Variants in XKR5 observed in about 807,000 individuals in gnomAD.
XKR5 encodes XK-related protein 5.
Under a neutral mutation model 40.8 loss-of-function variants are expected in XKR5, and 46 were observed. That is an observed-to-expected ratio of 1.13 (90% confidence interval 0.89 to 1.44). The LOEUF is 1.44. Among genes scored for constraint, XKR5 ranks in the 40% most tolerant of loss-of-function variants. The pLI is 0.00. For synonymous variants in XKR5, 466 were observed against 356.1 expected (o/e 1.31, Z -3.48); for missense variants, 1,169 against 844.7 (o/e 1.38, Z -4.76).
chr8:6,835,445 G>C lies in XKR5; in HGVS notation c.49C>G (p.Gln17Glu), dbSNP rs1481204055. The C allele has an allele frequency of 8.0e-6, 12 of 1,496,028 alleles. No homozygotes were observed. Among genetic ancestry groups the C allele is most frequent in the Middle Eastern group, 2.3e-4 (1 of 4,312 alleles). The allele number at this position is 1,496,028 out of a possible 1,614,324, so 92.7% of individuals were successfully genotyped here. A position where few individuals can be genotyped will look rare whatever the true frequency, so the allele number is the denominator to read the frequency against. ...GGGCTGCCGCACTCACGCGCGCTCT[G>C]CTCGGCCGCCTGCAGCAGGGCCGAG... ...GLSALLQAAE[Q>E]SARLYTVAYY... Residue 17 changes from glutamine to glutamate, a missense_variant, in exon 1 of 7, where the codon CAG becomes GAG. Gln to Glu is a conservative substitution (Grantham distance 29, BLOSUM62 2). Coordinates refer to ENST00000618742, the MANE Select transcript of XKR5 (RefSeq NM_207411.5).
chr8:6,825,370 C>T (rs181306588), intron 2 of XKR5, 21 bp from the exon 3 acceptor site: 498 of 1,503,964 alleles, frequency 3.3e-4, no homozygotes, highest in Non-Finnish European at 2.8e-4. Flanking sequence ...GCAGAGGGCA[C>T]GTGACACGGA....
chr8:6,830,358 C>T (rs1449177177), intron 2 of XKR5, among the ~76,000 whole-genome samples: 1 of 152,198 alleles, frequency 6.6e-6, no homozygotes, highest in Non-Finnish European at 1.5e-5. Flanking sequence ...TCAGTGTTGT[C>T]TTTGAACCCT....
intron 3 of XKR5, 140 bp downstream of exon 3, chr8:6,825,025 C>T: frequency 1.1e-6 from 1 of 936,958 alleles, no homozygotes; most frequent in Non-Finnish European, 1.6e-6. Flanking sequence ...TTTTAAGCAT[C>T]ATCTGTGCCA....
chr8:6,832,965 T>G, intron 1 of XKR5, 65 bp from the exon 2 acceptor site: 1 of 1,348,072 alleles, frequency 7.4e-7, no homozygotes, highest in Non-Finnish European at 9.8e-7. Context: ...GTACCTGCAT[T>G]TTAAACAACT....
At chr8:6,819,735 AG>A (rs1254387194) in intron 5 of XKR5, among the ~76,000 whole-genome samples, 1 of 152,046 alleles carries the variant, frequency 6.6e-6, no homozygotes, top group African/African-American at 2.4e-5. Flanking sequence ...AAATGTCAGG[AG>A]TTTAATAGGT....
At chr8:6,815,283 G>C (rs930437829) in intron 6 of XKR5, among the ~76,000 whole-genome samples, 180 of 152,316 alleles carry the variant, frequency 1.2e-3, no homozygotes, top group Non-Finnish European at 1.0e-3. Context: ...ATAAAACACG[G>C]CTGATGACAG....
intron 2 of XKR5, among the ~76,000 whole-genome samples, chr8:6,827,287 T>A (rs1463624386): frequency 6.6e-6 from 1 of 152,160 alleles, no homozygotes; most frequent in Non-Finnish European, 1.5e-5. Context: ...TGCTTCCCTG[T>A]CTTGTTCAAT....
At chr8:6,826,788 A>G (rs1587191212) in intron 2 of XKR5, among the ~76,000 whole-genome samples, 1 of 152,118 alleles carries the variant, frequency 6.6e-6, no homozygotes, top group South Asian at 2.1e-4. Flanking sequence ...AGGGGCCTGG[A>G]TACGAAAGGG....
At chr8:6,812,443 T>G (rs769010814) in intron 6 of XKR5, 104 bp from the exon 7 acceptor site, 76 of 1,250,332 alleles carry the variant, frequency 6.1e-5, no homozygotes, top group Non-Finnish European at 8.0e-5. Flanking sequence ...AGGAAGATAA[T>G]TTGGGATCCA....
intron 6 of XKR5, 74 bp from the exon 7 acceptor site, chr8:6,812,413 G>T (rs969784419): frequency 7.7e-6 from 11 of 1,428,374 alleles, no homozygotes; most frequent in South Asian, 1.5e-5. Context: ...GCAGTTTCAG[G>T]TTCTGGCCCT....
chr8:6,821,208 A>G (rs1317580073), intron 5 of XKR5, among the ~76,000 whole-genome samples: 1 of 152,120 alleles, frequency 6.6e-6, no homozygotes, highest in Non-Finnish European at 1.5e-5. Context: ...ATGTGATTGT[A>G]TTTTCTCTCC....
chr8:6,829,942 A>G (rs1353854234), intron 2 of XKR5, among the ~76,000 whole-genome samples: 4 of 137,392 alleles, frequency 2.9e-5, no homozygotes, highest in Admixed American at 8.6e-5. Flanking sequence ...GGTTCATGCC[A>G]TTCTCCTGCC....
intron 5 of XKR5, among the ~76,000 whole-genome samples, chr8:6,820,139 T>C (rs1007288128): frequency 6.6e-6 from 1 of 152,214 alleles, no homozygotes; most frequent in Non-Finnish European, 1.5e-5. Context: ...TATCAAGCCT[T>C]AGCTGGTCGG....
At chr8:6,829,903 T>G (rs1804680979) in intron 2 of XKR5, among the ~76,000 whole-genome samples, 1 of 130,098 alleles carries the variant, frequency 7.7e-6, no homozygotes, top group South Asian at 2.7e-4. Context: ...AGTGATGCAA[T>G]CTCGGCTCAC....
At chr8:6,834,041 GCT>G (rs1367279329) in intron 1 of XKR5, among the ~76,000 whole-genome samples, 1 of 152,148 alleles carries the variant, frequency 6.6e-6, no homozygotes, top group African/African-American at 2.4e-5. Flanking sequence ...TGGGGTCACA[GCT>G]CTCTCTGTGG....
intron 1 of XKR5, among the ~76,000 whole-genome samples, chr8:6,834,097 G>A (rs144127554): frequency 1.4e-3 from 211 of 152,276 alleles, no homozygotes; most frequent in African/African-American, 4.9e-3. Flanking sequence ...CCCTGGCCTG[G>A]AACTCTGGGC....
intron 2 of XKR5, chr8:6,829,456 A>G (rs1587198089): frequency 6.2e-6 from 1 of 160,126 alleles, no homozygotes; most frequent in Non-Finnish European, 1.5e-5. Context: ...AAATGAACAT[A>G]GTATGTATTA....
chr8:6,835,031 A>T (rs562575142), intron 1 of XKR5, among the ~76,000 whole-genome samples: 438 of 152,130 alleles, frequency 2.9e-3, no homozygotes, highest in Middle Eastern at 0.01. Flanking sequence ...GCGCCCCCAG[A>T]CTTGCGCTCA....
At chr8:6,818,176 T>G (rs572125974) in intron 5 of XKR5, among the ~76,000 whole-genome samples, 1 of 152,334 alleles carries the variant, frequency 6.6e-6, no homozygotes, top group South Asian at 2.1e-4. Flanking sequence ...CTGTGCGCAC[T>G]CACTTTCCTG....
Sources: allele counts gnomAD v4.1 joint callset (sites outside exome capture counted in the v4.1 genomes callset), GRCh38; gene constraint gnomAD v4.1.1; transcripts MANE v1.5; gene names NCBI Gene and HGNC (gene_info 2026-07-23, HGNC 2026-07-21).